PIAS1: variants seen among roughly 807,000 people sequenced by gnomAD.
PIAS1 encodes the protein protein inhibitor of activated STAT 1.
Under a neutral mutation model 71.3 loss-of-function variants are expected in PIAS1, and 6 were observed. The ratio of observed to expected loss-of-function variants is 0.08; its 90% confidence interval spans 0.05 to 0.17. The LOEUF (loss-of-function observed/expected upper bound fraction) is 0.17. Among genes scored for constraint, PIAS1 ranks in the 10% least tolerant of loss-of-function variants. The pLI, the probability that PIAS1 is intolerant of heterozygous loss-of-function variation, is 1.00. For synonymous variants in PIAS1, 303 were observed against 292.9 expected, an observed-to-expected ratio of 1.03 and a Z score of -0.35; for missense variants, 555 against 793.6, an observed-to-expected ratio of 0.70 and a Z score of 3.61.
chr15:68,176,957 G>A (rs2093023628), intron 11 of PIAS1, among the ~76,000 whole-genome samples: 1 of 152,078 alleles, frequency 6.6e-6, no homozygotes, highest in African/African-American at 2.4e-5. Context: ...GCGCCCCCAT[G>A]TCTGAGTCAG....
chr15:68,119,449 A>AG (rs1483422703), intron 2 of PIAS1, among the ~76,000 whole-genome samples: 1 of 151,816 alleles, frequency 6.6e-6, no homozygotes, highest in East Asian at 1.9e-4. Context: ...CATAAAAAAA[A>AG]AAAGTAAATG....
intron 7 of PIAS1, among the ~76,000 whole-genome samples, chr15:68,164,456 A>G (rs1352283486): frequency 1.3e-5 from 2 of 152,212 alleles, no homozygotes; most frequent in Non-Finnish European, 2.9e-5. Context: ...TCAACATATT[A>G]GAGAAATTTC....
intron 2 of PIAS1, among the ~76,000 whole-genome samples, chr15:68,098,585 A>G (rs906893261): frequency 6.6e-6 from 1 of 152,198 alleles, no homozygotes; most frequent in African/African-American, 2.4e-5. Context: ...ACAAAACTCA[A>G]AAGTTACAAA....
intron 2 of PIAS1, among the ~76,000 whole-genome samples, chr15:68,125,044 A>G (rs1372484166): frequency 2.0e-5 from 3 of 152,150 alleles, no homozygotes; most frequent in African/African-American, 7.2e-5. Flanking sequence ...GGATCATCCC[A>G]TTTATACTTT....
intron 1 of PIAS1, among the ~76,000 whole-genome samples, chr15:68,077,738 A>G (rs1305274982): frequency 6.6e-6 from 1 of 152,228 alleles, no homozygotes; most frequent in East Asian, 1.9e-4. Context: ...TGTTATTACC[A>G]TGTAGCATTG....
At chr15:68,090,019 A>G (rs1045331418) in intron 2 of PIAS1, among the ~76,000 whole-genome samples, 1 of 151,820 alleles carries the variant, frequency 6.6e-6, no homozygotes, top group Non-Finnish European at 1.5e-5. Context: ...AGCTCAGACT[A>G]CAGACACGTG....
intron 1 of PIAS1, among the ~76,000 whole-genome samples, chr15:68,078,171 T>A (rs1348176630): frequency 1.3e-5 from 2 of 152,198 alleles, no homozygotes; most frequent in Admixed American, 6.5e-5. Context: ...AATTCTAGAT[T>A]TTATTTGAAA....
At chr15:68,075,279 T>G (rs12915951) in intron 1 of PIAS1, among the ~76,000 whole-genome samples, 72,366 of 151,296 alleles carry the variant, frequency 0.48, 18,173 homozygotes, top group Middle Eastern at 0.57. Context: ...AGAGATGGAG[T>G]TTCACCATGC....
intron 1 of PIAS1, among the ~76,000 whole-genome samples, chr15:68,063,619 T>C (rs544343175): frequency 6.6e-6 from 1 of 152,338 alleles, no homozygotes; most frequent in South Asian, 2.1e-4. Context: ...TATTTAAATA[T>C]TTCTGTTATA....
intron 2 of PIAS1, among the ~76,000 whole-genome samples, chr15:68,087,493 T>C (rs1471447470): frequency 1.3e-5 from 2 of 152,200 alleles, no homozygotes; most frequent in Non-Finnish European, 2.9e-5. Flanking sequence ...GACTTCTAAA[T>C]GCTGGTTTGT....
intron 7 of PIAS1, among the ~76,000 whole-genome samples, chr15:68,156,172 G>A (rs2092887740): frequency 1.3e-5 from 2 of 152,198 alleles, no homozygotes; most frequent in African/African-American, 4.8e-5. Context: ...TCCCCCAGAA[G>A]TTTGCAGTCT....
intron 7 of PIAS1, among the ~76,000 whole-genome samples, chr15:68,158,683 G>A (rs1417599056): frequency 1.3e-5 from 2 of 152,076 alleles, no homozygotes; most frequent in African/African-American, 4.8e-5. Context: ...AGGTCTTGGT[G>A]CCTGTTTCTT....
chr15:68,153,446 T>G (rs1300406617), intron 6 of PIAS1, 144 bp from the exon 7 acceptor site: 2 of 525,464 alleles, frequency 3.8e-6, no homozygotes, highest in African/African-American at 3.8e-5. Flanking sequence ...AATGAATTAC[T>G]GTTCATGAAA....
At chr15:68,102,519 C>T (rs2092436063) in intron 2 of PIAS1, among the ~76,000 whole-genome samples, 1 of 152,168 alleles carries the variant, frequency 6.6e-6, no homozygotes, top group Non-Finnish European at 1.5e-5. Flanking sequence ...ATTAAACCTG[C>T]ATATCAATTT....
chr15:68,169,328 T>C (rs891722505), intron 8 of PIAS1, among the ~76,000 whole-genome samples: 4 of 152,230 alleles, frequency 2.6e-5, no homozygotes, highest in South Asian at 2.1e-4. Flanking sequence ...TTTTCTGTTA[T>C]AATAACTACT....
intron 1 of PIAS1, among the ~76,000 whole-genome samples, chr15:68,066,925 G>A (rs527927441): frequency 6.6e-6 from 1 of 152,302 alleles, no homozygotes; most frequent in South Asian, 2.1e-4. Flanking sequence ...GGTCTTCTAA[G>A]TGTGAGTAGG....
rs764293627 is a variant in PIAS1, at chr15:68,055,939, T to C, written c.24+1589T>C. ...GTATTGGCTTTGAGTGTCATTCTTTTAAAATGTACTTCTAATTACAAATTT... is the reference window on the plus strand; with the variant it reads ...GTATTGGCTTTGAGTGTCATTCTTTCAAAATGTACTTCTAATTACAAATTT... On this transcript the variant is annotated intron_variant, in intron 1 of 13. Transcript: ENST00000249636. The C allele has an allele frequency of 1.3e-5, 9 of 699,866 alleles. No individual in the cohort carries two copies. In the East Asian group the frequency reaches 2.4e-4, roughly 19 times the overall value. 43.4% of individuals were successfully genotyped at this position (699,866 alleles called of 1,614,324 possible).
chr15:68,182,164 C>G (rs895716143), intron 12 of PIAS1, among the ~76,000 whole-genome samples: 1 of 151,688 alleles, frequency 6.6e-6, no homozygotes, highest in African/African-American at 2.4e-5. Flanking sequence ...ATACATTTAT[C>G]TGATCCTTCT....
Position 68,187,625 on chromosome 15 carries a change from G to A in PIAS1, c.1746G>A (p.Pro582=), listed in dbSNP as rs188165516. 52 of 1,613,906 alleles carry A rather than the reference G, an allele frequency of 3.2e-5. No homozygotes were observed. Among genetic ancestry groups the A allele is most frequent in the Non-Finnish European group, 4.2e-5 (49 of 1,179,846 alleles). The change falls in exon 14 of 14, where the codon CCG becomes CCA. Residue 582 remains proline (P), a synonymous_variant. Transcript: ENST00000249636. The surrounding 1 kb of genome is among the most constrained non-coding windows in gnomAD (Gnocchi z 5.3). ...TCCTACACTCGTCTCGGTTTTTCCC[G>A]TATACCTCCTCACAGATGTTTCTTG... The part of the protein sequence containing the change: ...QDLLHSSRFF[P]YTSSQMFLDQ...
Sources: gnomAD v4.1 joint callset for allele counts (sites outside exome capture counted in the v4.1 genomes callset) on GRCh38, gnomAD v4.1.1 for gene constraint, Gnocchi (gnomAD v3.1) non-coding constraint, MANE v1.5 for transcripts, NCBI Gene and HGNC (gene_info 2026-07-23, HGNC 2026-07-21) for gene names.